SP140L: variants seen among roughly 807,000 people sequenced by gnomAD.
The protein encoded by SP140L is nuclear body protein SP140-like protein.
SP140L carries 64 observed loss-of-function variants against 84.3 expected under a neutral mutation model. That is an observed-to-expected ratio of 0.76 (90% CI 0.62 to 0.94). The LOEUF is 0.94. SP140L is among the 40% of genes least tolerant of loss of function. SP140L has a pLI of 0.00. For synonymous variants in SP140L, 242 were observed against 236.9 expected (o/e 1.02, Z -0.20); for missense variants, 628 against 692.5 (o/e 0.91, Z 1.05).
chr2:230,359,832 A>G (rs1028705247), intron 4 of SP140L, among the ~76,000 whole-genome samples: 2 of 152,218 alleles, frequency 1.3e-5, no homozygotes, highest in Non-Finnish European at 2.9e-5. Context: ...TGAAGGATAA[A>G]TAGTTTTGTT....
intron 9 of SP140L, 22 bp downstream of exon 9, chr2:230,385,326 T>C (rs772520035): frequency 6.2e-7 from 1 of 1,610,124 alleles, no homozygotes; most frequent in Non-Finnish European, 8.5e-7. Flanking sequence ...TTGGTACCAC[T>C]TTTCATTTGC....
rs2061001856 is a variant in SP140L at position 230,369,921 on chromosome 2, A to ATG, written c.524-987_524-986insTG. ...CCCAAGTAGCTGGGATTACAGGCGC[A>ATG]CGCCACCACACCCAGCTAATTTTTG... is the stretch of plus-strand genomic sequence containing the variant. On this transcript the variant is annotated intron_variant, in intron 5 of 18. Coordinates refer to ENST00000415673, the MANE Select transcript of SP140L (RefSeq NM_138402.6). Among the ~76,000 whole-genome samples, 4 of 147,852 alleles carry ATG rather than the reference A, an allele frequency of 2.7e-5. No individual in the cohort carries two copies. The South Asian group carries it at 6.2e-4, about 23-fold the overall frequency.
Position 230,365,366 on chromosome 2 carries a change from G to A in SP140L, c.523+3669G>A, listed in dbSNP as rs902934971. Among the ~76,000 whole-genome samples, 20 of 151,934 alleles carry A rather than the reference G, an allele frequency of 1.3e-4. 1 individual carries two copies. Among genetic ancestry groups the A allele is most frequent in the Middle Eastern group, 3.4e-3 (1 of 292 alleles). On this transcript the variant is annotated intron_variant, in intron 5 of 18. Transcript: ENST00000415673. ...CTGCTCAGGTTTTTATATTTGTGTT[G>A]GTAGGTTGTATCTGTCTAGGAATTT... is the stretch of plus-strand genomic sequence containing the variant.
intron 7 of SP140L, 131 bp from the exon 8 acceptor site, chr2:230,383,379 T>C (rs969086947): frequency 1.4e-5 from 12 of 868,126 alleles, no homozygotes; most frequent in Middle Eastern, 3.6e-4. Context: ...ACTGCTACAC[T>C]GATCATAAAG....
chr2:230,328,293 A>C (rs1440279825), intron 1 of SP140L, among the ~76,000 whole-genome samples: 5 of 152,202 alleles, frequency 3.3e-5, no homozygotes, highest in Admixed American at 6.5e-5. Flanking sequence ...GCTTCCTTTC[A>C]CAGTCTTGTG....
rs1222649015 is a variant in SP140L at position 230,340,212 on chromosome 2, T to C, written c.107+11381T>C. Among the ~76,000 whole-genome samples, 9 of 151,718 alleles carry C rather than the reference T, an allele frequency of 5.9e-5. No homozygotes were observed. The South Asian group carries it at 1.0e-3, about 18-fold the overall frequency. The stretch of plus-strand genomic sequence containing the variant: ...CATATATATTTAGGATAGTTAGCTC[T>C]TCTTGTTGAATTGATCCCTTTACCA... On this transcript the variant is annotated intron_variant, in intron 2 of 18. Coordinates refer to ENST00000415673, the MANE Select transcript of SP140L (RefSeq NM_138402.6).
chr2:230,388,533 G>C, intron 9 of SP140L, 26 bp from the exon 10 acceptor site: 1 of 1,583,310 alleles, frequency 6.3e-7, no homozygotes, highest in Non-Finnish European at 8.6e-7. Context: ...ATTTGTAACT[G>C]TGATTTTATT....
At chr2:230,330,612 A>T (rs2059700418) in intron 2 of SP140L, among the ~76,000 whole-genome samples, 1 of 152,232 alleles carries the variant, frequency 6.6e-6, no homozygotes, top group South Asian at 2.1e-4. Context: ...CACGTATATG[A>T]TTAGTTTAGA....
chr2:230,354,155 C>G (rs1419516227), intron 2 of SP140L, among the ~76,000 whole-genome samples: 1 of 152,108 alleles, frequency 6.6e-6, no homozygotes, highest in Non-Finnish European at 1.5e-5. Context: ...TTTTTCCTTA[C>G]ACTAGTCTTT....
At chr2:230,382,444 T>C (rs181352381) in intron 7 of SP140L, among the ~76,000 whole-genome samples, 59 of 152,294 alleles carry the variant, frequency 3.9e-4, no homozygotes, top group African/African-American at 1.4e-3. Context: ...GGATTTTTGC[T>C]CTTGCTTCAC....
chr2:230,392,547 A>T (rs1222035736), intron 12 of SP140L, among the ~76,000 whole-genome samples: 1 of 152,196 alleles, frequency 6.6e-6, no homozygotes, highest in Non-Finnish European at 1.5e-5. Context: ...GCAAGAAGAC[A>T]CTTCAGAGAA....
rs184199038 is a variant in SP140L, at chr2:230,339,227, G to C, written c.107+10396G>C. 3.3e-5 allele frequency among the ~76,000 whole-genome samples: 5 copies of C among 152,260 alleles called. No individual in the cohort carries two copies. In the East Asian group the frequency reaches 9.6e-4, roughly 29 times the overall value. ...ACTTCTTCCTGGTTTAGTCTCGGGA[G>C]AGTGTATGTGTCCAGGAATTTATCC... On this transcript the variant is annotated intron_variant, in intron 2 of 18. Transcript: ENST00000415673.
intron 2 of SP140L, among the ~76,000 whole-genome samples, chr2:230,346,174 T>G (rs1000387707): frequency 6.6e-6 from 1 of 152,174 alleles, no homozygotes; most frequent in Non-Finnish European, 1.5e-5. Flanking sequence ...TGGCAGTTTT[T>G]TTTCTTTCAA....
At chr2:230,402,680 T>C (rs1019014961) in intron 18 of SP140L, 118 bp from the exon 19 acceptor site, 6 of 754,012 alleles carry the variant, frequency 8.0e-6, no homozygotes, top group East Asian at 2.8e-5. Flanking sequence ...CCATTATAAA[T>C]TGTCAACTTA....
At chr2:230,361,907 C>G (rs1026471795) in intron 5 of SP140L, among the ~76,000 whole-genome samples, 4 of 152,114 alleles carry the variant, frequency 2.6e-5, no homozygotes, top group African/African-American at 9.7e-5. Context: ...GGCTCAATAA[C>G]CATGAAGGAA....
At position 230,344,370 on chromosome 2, in the gene SP140L, T is replaced by C. The variant is rs190683300; in HGVS notation, c.108-13435T>C. Among the ~76,000 whole-genome samples the C allele has an allele frequency of 6.8e-4, 104 of 152,358 alleles. 2 individuals carry two copies. In the East Asian group the frequency reaches 0.014, roughly 21 times the overall value. ...ATTTTACTGTTTTCTATTTGCTTGG[T>C]AAATTTTCCTCCATCCCTTGGTTTT... On this transcript the variant is annotated intron_variant, in intron 2 of 18. Transcript: ENST00000415673.
chr2:230,395,604 C>T (rs56105857), intron 13 of SP140L, among the ~76,000 whole-genome samples: 40,473 of 151,892 alleles, frequency 0.27, 5,764 homozygotes, highest in Non-Finnish European at 0.31. Flanking sequence ...AAAATTGTTT[C>T]AATTTTATTG....
chr2:230,393,399 C>A lies in SP140L; in HGVS notation c.1108-15C>A, dbSNP rs751732988. The A allele has an allele frequency of 1.9e-5, 30 of 1,579,572 alleles. No individual in the cohort carries two copies. The highest frequency in any genetic ancestry group is 2.5e-5 in the Non-Finnish European group (29 of 1,164,642). ...ACGCAGGCTGACTATGTACCTTGGT[C>A]TTTTTATCTTTCAGGAAGGATCTCT... On this transcript the variant is annotated splice_polypyrimidine_tract_variant and intron_variant, in intron 12 of 18. Coordinates refer to ENST00000415673, the MANE Select transcript of SP140L (RefSeq NM_138402.6).
At chr2:230,396,871 A>G in intron 14 of SP140L, 73 bp downstream of exon 14, 1 of 1,568,622 alleles carries the variant, frequency 6.4e-7, no homozygotes, top group Non-Finnish European at 8.7e-7. Flanking sequence ...CTGTGTCATG[A>G]CTGCTGTTGC....
Sources: allele counts gnomAD v4.1 joint callset (sites outside exome capture counted in the v4.1 genomes callset), GRCh38; gene constraint gnomAD v4.1.1; transcripts MANE v1.5; gene names NCBI Gene and HGNC (gene_info 2026-07-23, HGNC 2026-07-21).